MAGI2: variants seen among roughly 807,000 people sequenced by gnomAD.
MAGI2 encodes the protein membrane associated guanylate kinase, WW and PDZ domain containing 2.
Under a neutral mutation model 133.3 loss-of-function variants are expected in MAGI2, and 35 were observed. The ratio of observed to expected loss-of-function variants is 0.26; its 90% confidence interval spans 0.20 to 0.35. MAGI2 has a LOEUF of 0.35. Ranked by LOEUF, MAGI2 falls within the 10% of genes least tolerant of loss-of-function variation. The pLI, the probability that MAGI2 is intolerant of heterozygous loss-of-function variation, is 1.00. For missense variants in MAGI2, 1,636 were observed against 1,863.4 expected (o/e 0.88, Z 2.25); for synonymous variants, 729 against 710.6 (o/e 1.03, Z -0.41).
rs947326279 is a variant in MAGI2, at chr7:78,501,738, G to A, written c.804C>T (p.Pro268=). The A allele has an allele frequency of 1.9e-6, 3 of 1,614,032 alleles. No homozygotes were observed. The highest frequency in any genetic ancestry group is 1.3e-5 in the African/African-American group (1 of 74,996). The change falls in exon 5 of 22, where the codon CCC becomes CCT. Residue 268 remains proline, a synonymous_variant. Coordinates refer to ENST00000354212, the MANE Select transcript of MAGI2 (RefSeq NM_012301.4). ...ACACTGGTGCAGGATAAGGCTGGGAGGGCATCTCCCCTGAGGCACCTGCAC... is the reference window on the plus strand; with the variant it reads ...ACACTGGTGCAGGATAAGGCTGGGAAGGCATCTCCCCTGAGGCACCTGCAC... The part of the protein sequence containing the change: ...DKSAGASGEM[P]SQPYPAPVYS...
intron 2 of MAGI2, among the ~76,000 whole-genome samples, chr7:78,968,724 A>G (rs1201841150): frequency 1.3e-5 from 2 of 152,108 alleles, no homozygotes; most frequent in Admixed American, 6.6e-5. Flanking sequence ...ATCCCCATAC[A>G]TAAAATTAAG....
At chr7:78,157,414 A>T (rs1584188289) in intron 16 of MAGI2, among the ~76,000 whole-genome samples, 1 of 152,230 alleles carries the variant, frequency 6.6e-6, no homozygotes, top group Non-Finnish European at 1.5e-5. Context: ...CATGTTAATT[A>T]TAAGCATTTG....
rs182155132 is a variant in MAGI2 at position 79,335,271 on chromosome 7, T to C, written c.301+117749A>G. On this transcript the variant is annotated intron_variant, in intron 1 of 21. Transcript: ENST00000354212. ...TTAGCAGAGCAGAGCGTTTAGGTTG[T>C]GTCTTCAAGCTGCATTTTACTTCTT... Among the ~76,000 whole-genome samples the C allele has an allele frequency of 4.6e-5, 7 of 152,272 alleles. No individual in the cohort carries two copies. The East Asian group carries it at 1.2e-3, about 25-fold the overall frequency.
chr7:78,623,713 T>G (rs1278469121), intron 3 of MAGI2, among the ~76,000 whole-genome samples: 1 of 152,180 alleles, frequency 6.6e-6, no homozygotes, highest in East Asian at 1.9e-4. Flanking sequence ...ATTTTAATAC[T>G]TTTAACAACT....
At chr7:79,324,697 T>G (rs868444382) in intron 1 of MAGI2, among the ~76,000 whole-genome samples, 1 of 13,380 alleles carries the variant, frequency 7.5e-5, no homozygotes, top group African/African-American at 2.7e-4. Context: ...ATATATAAAA[T>G]ATATATATAT....
chr7:78,375,220 G>T (rs770312130), intron 6 of MAGI2, among the ~76,000 whole-genome samples: 12 of 151,892 alleles, frequency 7.9e-5, no homozygotes, highest in African/African-American at 2.7e-4. Flanking sequence ...TTTATTTTTT[G>T]TTGTCTTTCT....
At chr7:79,272,886 A>G (rs1834975430) in intron 1 of MAGI2, among the ~76,000 whole-genome samples, 1 of 152,090 alleles carries the variant, frequency 6.6e-6, no homozygotes, top group South Asian at 2.1e-4. Flanking sequence ...GATAATATAT[A>G]CCAGAAGATA....
intron 2 of MAGI2, among the ~76,000 whole-genome samples, chr7:78,898,393 G>A (rs1797368881): frequency 6.6e-6 from 1 of 152,122 alleles, no homozygotes; most frequent in Non-Finnish European, 1.5e-5. Flanking sequence ...GTAAAGACAT[G>A]GAATCAACCT....
At chr7:78,399,054 T>C (rs1249576368) in intron 6 of MAGI2, among the ~76,000 whole-genome samples, 1 of 152,220 alleles carries the variant, frequency 6.6e-6, no homozygotes, top group Non-Finnish European at 1.5e-5. Flanking sequence ...AATATGAGAT[T>C]TAGAATTAAT....
At chr7:78,461,916 C>CAAAAAAAAAAAAAAAAAAAAAAAAAA (rs55811983) in intron 6 of MAGI2, among the ~76,000 whole-genome samples, 4 of 30,536 alleles carry the variant, frequency 1.3e-4, no homozygotes, top group African/African-American at 2.2e-4. Flanking sequence ...AATTCCGTCT[C>CAAAAAAAAAAAAAAAAAAAAAAAAAA]AAAAAAAAAA....
intron 6 of MAGI2, among the ~76,000 whole-genome samples, chr7:78,380,979 C>A (rs1291897928): frequency 6.6e-6 from 1 of 152,008 alleles, no homozygotes; most frequent in Non-Finnish European, 1.5e-5. Flanking sequence ...GGAAATGAGC[C>A]CCATCTTTCT....
chr7:78,208,316 A>G (rs1469111973), intron 10 of MAGI2, among the ~76,000 whole-genome samples: 1 of 152,106 alleles, frequency 6.6e-6, no homozygotes, highest in Non-Finnish European at 1.5e-5. Flanking sequence ...AACCATTTCA[A>G]GTAATCCCAA....
At chr7:78,149,411 T>C (rs1301737440) in intron 16 of MAGI2, among the ~76,000 whole-genome samples, 1 of 152,214 alleles carries the variant, frequency 6.6e-6, no homozygotes, top group Non-Finnish European at 1.5e-5. Flanking sequence ...TGTAGGTACC[T>C]GGAGGTCTGC....
intron 1 of MAGI2, chr7:79,411,274 C>T (rs1846124134): frequency 6.6e-6 from 1 of 152,006 alleles, no homozygotes; most frequent in African/African-American, 2.4e-5. Context: ...AATTAGGGTA[C>T]AAAGAAGAAT....
intron 1 of MAGI2, among the ~76,000 whole-genome samples, chr7:79,431,176 A>C (rs1040789004): frequency 6.6e-6 from 1 of 152,174 alleles, no homozygotes; most frequent in Non-Finnish European, 1.5e-5. Flanking sequence ...AGAATGAAAC[A>C]CCTGAGATAA....
intron 1 of MAGI2, among the ~76,000 whole-genome samples, chr7:79,144,326 C>T (rs1280697343): frequency 6.6e-6 from 1 of 152,094 alleles, no homozygotes; most frequent in African/African-American, 2.4e-5. Flanking sequence ...GAAGAGGGGC[C>T]TGGTGGGATC....
intron 1 of MAGI2, among the ~76,000 whole-genome samples, chr7:79,025,447 G>A (rs1809789922): frequency 6.6e-6 from 1 of 152,120 alleles, no homozygotes; most frequent in African/African-American, 2.4e-5. Flanking sequence ...CCAAACTCCT[G>A]TGACATGCAA....
At chr7:78,034,273 GA>G (rs1481198933) in intron 21 of MAGI2, among the ~76,000 whole-genome samples, 2 of 152,068 alleles carry the variant, frequency 1.3e-5, no homozygotes, top group South Asian at 2.1e-4. Flanking sequence ...AAGTTGGGGG[GA>G]AAAAAGACGA....
At chr7:79,024,044 G>T (rs1317670495) in intron 1 of MAGI2, among the ~76,000 whole-genome samples, 1 of 152,040 alleles carries the variant, frequency 6.6e-6, no homozygotes, top group African/African-American at 2.4e-5. Flanking sequence ...GTAAGCAAAA[G>T]AACAAAGCTG....
Sources: gnomAD v4.1 joint callset for allele counts (sites outside exome capture counted in the v4.1 genomes callset) on GRCh38, gnomAD v4.1.1 for gene constraint, MANE v1.5 for transcripts, NCBI Gene and HGNC (gene_info 2026-07-23, HGNC 2026-07-21) for gene names.